Variants in TMEM266 observed in about 807,000 individuals in gnomAD.
TMEM266 encodes Hv1 related protein 1.
TMEM266 carries 33 observed loss-of-function variants against 50.5 expected under a neutral mutation model. The observed-to-expected ratio is 0.65, with a 90% confidence interval of 0.50 to 0.87. TMEM266 has a LOEUF of 0.87. TMEM266 is among the 40% of genes least tolerant of loss of function. The pLI, the probability that TMEM266 is intolerant of heterozygous loss-of-function variation, is 0.00. For missense variants in TMEM266, 655 were observed against 695.1 expected (o/e 0.94, Z 0.65); for synonymous variants, 310 against 292.3 (o/e 1.06, Z -0.62).
intron 5 of TMEM266, among the ~76,000 whole-genome samples, chr15:76,163,324 A>C (rs1251127189): frequency 6.6e-6 from 1 of 152,108 alleles, no homozygotes; most frequent in Non-Finnish European, 1.5e-5. Flanking sequence ...CCGTTTGAGG[A>C]CATCTGTTCA....
At chr15:76,127,569 A>G (rs894905075) in intron 1 of TMEM266, among the ~76,000 whole-genome samples, 1 of 151,982 alleles carries the variant, frequency 6.6e-6, no homozygotes, top group Non-Finnish European at 1.5e-5. Context: ...CAAGTGATCC[A>G]CCCACCTCAG....
At chr15:76,118,566 AAAGG>A (rs1475364897) in intron 1 of TMEM266, among the ~76,000 whole-genome samples, 8 of 152,188 alleles carry the variant, frequency 5.3e-5, no homozygotes, top group Non-Finnish European at 1.2e-4. Context: ...CTCAAAAAAT[AAAGG>A]AAGGAAACTT....
intron 1 of TMEM266, among the ~76,000 whole-genome samples, chr15:76,094,109 CTTTAG>C (rs1344832291): frequency 6.6e-6 from 1 of 152,044 alleles, no homozygotes; most frequent in Non-Finnish European, 1.5e-5. Flanking sequence ...TGCAGAAGCT[CTTTAG>C]TTTAATTTGA....
chr15:76,154,792 G>A (rs1289323608), intron 3 of TMEM266, among the ~76,000 whole-genome samples: 1 of 152,202 alleles, frequency 6.6e-6, no homozygotes, highest in Non-Finnish European at 1.5e-5. Flanking sequence ...ATGTGAATAA[G>A]CCCAGTGTCC....
chr15:76,090,508 A>G (rs2036834209), intron 1 of TMEM266, among the ~76,000 whole-genome samples: 1 of 151,528 alleles, frequency 6.6e-6, no homozygotes, highest in African/African-American at 2.4e-5. Context: ...AAAAAAAAAA[A>G]AAGAGAAAAA....
rs200150323 is a variant in TMEM266, at chr15:76,175,566, C to T, written c.660C>T (p.Val220=). 9 of 1,613,758 alleles carry T rather than the reference C, an allele frequency of 5.6e-6. No individual in the cohort carries two copies. In the East Asian group the frequency reaches 2.0e-4, roughly 36 times the overall value. Residue 220 remains valine, a synonymous_variant, in exon 8 of 11, where the codon GTC becomes GTT. Coordinates refer to ENST00000388942, the MANE Select transcript of TMEM266 (RefSeq NM_152335.3). Reference sequence around the variant, plus strand: ...GCTGTCTCTGTCTTCCAGCCTACGTCCTGCCAGTGAAGCTGGAGATGGAGA... The same window carrying T: ...GCTGTCTCTGTCTTCCAGCCTACGTTCTGCCAGTGAAGCTGGAGATGGAGA...
chr15:76,085,755 A>C (rs769947082), intron 1 of TMEM266, among the ~76,000 whole-genome samples: 3 of 152,148 alleles, frequency 2.0e-5, no homozygotes, highest in Non-Finnish European at 4.4e-5. Context: ...GACATACAAA[A>C]ATGTCCACAG....
rs557299059 is a variant in TMEM266 at position 76,161,032 on chromosome 15, C to T, written c.456+864C>T. 3.3e-5 allele frequency among the ~76,000 whole-genome samples: 5 copies of T among 152,118 alleles called. No homozygotes were observed. The highest frequency in any genetic ancestry group is 4.8e-5 in the African/African-American group (2 of 41,418). On this transcript the variant is annotated intron_variant, in intron 5 of 10. Transcript: ENST00000388942. The surrounding 1 kb of genome is among the most constrained non-coding windows in gnomAD (Gnocchi z 4.1). ...AGGCAGGGTTTTATCCTGTCCCGTG[C>T]GCACTGGAGGGTCACTGAAGGACAG...
chr15:76,198,229 G>A (rs899454915), intron 9 of TMEM266, among the ~76,000 whole-genome samples: 1 of 152,236 alleles, frequency 6.6e-6, no homozygotes, highest in African/African-American at 2.4e-5. Flanking sequence ...CATGTGCCCT[G>A]CAGAGCCGGG....
chr15:76,142,674 C>T (rs575119656), intron 3 of TMEM266, among the ~76,000 whole-genome samples: 3 of 152,232 alleles, frequency 2.0e-5, no homozygotes, highest in South Asian at 2.1e-4. Flanking sequence ...GAAAGTCCTG[C>T]GGGGTGAGGA....
chr15:76,131,413 T>C (rs1182005333), intron 1 of TMEM266, among the ~76,000 whole-genome samples: 2 of 152,210 alleles, frequency 1.3e-5, no homozygotes, highest in Non-Finnish European at 2.9e-5. Flanking sequence ...TACAACTTGT[T>C]GTTAAAACAC....
intron 1 of TMEM266, among the ~76,000 whole-genome samples, chr15:76,128,120 AC>A (rs143473663): frequency 0.012 from 1,856 of 152,268 alleles, 39 homozygotes; most frequent in African/African-American, 0.043. Context: ...TCTGCAGTGC[AC>A]CTATGAGTTT....
In TMEM266 at chr15:76,125,910, C is replaced by G. The variant is rs562901771; in HGVS notation, c.-96-8258C>G. Among the ~76,000 whole-genome samples, 3 of 150,822 alleles carry G rather than the reference C, an allele frequency of 2.0e-5. No individual in the cohort carries two copies. The South Asian group carries it at 6.3e-4, about 32-fold the overall frequency. The stretch of plus-strand genomic sequence containing the variant: ...TGGCAAAGGTCCTGAATAAACATTT[C>G]TCCAAAGGAGACACACGAATGGCCA... On this transcript the variant is annotated intron_variant, in intron 1 of 10. Coordinates refer to ENST00000388942, the MANE Select transcript of TMEM266 (RefSeq NM_152335.3).
chr15:76,086,827 A>C (rs1418045620), intron 1 of TMEM266, among the ~76,000 whole-genome samples: 2 of 152,162 alleles, frequency 1.3e-5, no homozygotes, highest in Non-Finnish European at 2.9e-5. Flanking sequence ...ACTCCTGTGC[A>C]AATGAAGACT....
intron 3 of TMEM266, among the ~76,000 whole-genome samples, chr15:76,142,247 G>A (rs561667843): frequency 1.3e-5 from 2 of 152,334 alleles, no homozygotes; most frequent in South Asian, 2.1e-4. Flanking sequence ...AAATTAGCTG[G>A]GTGTGGTGGC....
chr15:76,147,373 GC>G (rs1567167033), intron 3 of TMEM266, among the ~76,000 whole-genome samples: 1 of 152,340 alleles, frequency 6.6e-6, no homozygotes, highest in East Asian at 1.9e-4. Context: ...CCCTGCCATG[GC>G]CATGCAACTG....
intron 5 of TMEM266, among the ~76,000 whole-genome samples, chr15:76,164,359 C>A (rs1339777621): frequency 1.3e-5 from 2 of 152,170 alleles, no homozygotes; most frequent in Non-Finnish European, 2.9e-5. Context: ...TCGTGCATCA[C>A]CACACCTGGC....
intron 1 of TMEM266, among the ~76,000 whole-genome samples, chr15:76,129,229 T>G (rs1179311073): frequency 2.0e-5 from 3 of 152,198 alleles, no homozygotes; most frequent in African/African-American, 7.2e-5. Context: ...ATGTGTCTCC[T>G]ACTGAAGTTA....
chr15:76,184,491 C>A lies in TMEM266; in HGVS notation c.769-7477C>A, dbSNP rs1229946674. ...GTCTCCTGATTTTTATTGTTACCAACAACGGTGAAACTAATGGAAATAAAC... is the reference window on the plus strand; with the variant it reads ...GTCTCCTGATTTTTATTGTTACCAAAAACGGTGAAACTAATGGAAATAAAC... On this transcript the variant is annotated intron_variant, in intron 8 of 10. Transcript: ENST00000388942. Among the ~76,000 whole-genome samples, 7 of 152,206 alleles carry A rather than the reference C, an allele frequency of 4.6e-5. No individual in the cohort carries two copies. The East Asian group carries it at 9.6e-4, about 21-fold the overall frequency.
Sources: allele counts gnomAD v4.1 joint callset (sites outside exome capture counted in the v4.1 genomes callset), GRCh38; gene constraint gnomAD v4.1.1; non-coding constraint Gnocchi (gnomAD v3.1); transcripts MANE v1.5; gene names NCBI Gene and HGNC (gene_info 2026-07-23, HGNC 2026-07-21).